Variants in GBF1 observed in about 807,000 individuals in gnomAD.
GBF1 encodes the protein golgi brefeldin A resistant guanine nucleotide exchange factor 1.
Under a neutral mutation model 210.5 loss-of-function variants are expected in GBF1, and 114 were observed. The observed-to-expected ratio is 0.54, with a 90% CI of 0.47 to 0.63. The LOEUF is 0.63. Among genes scored for constraint, GBF1 ranks in the 30% least tolerant of loss-of-function variants. The probability of loss-of-function intolerance (pLI) is 0.00; values close to 1 mark genes in which losing one functional copy is unlikely to be tolerated. For synonymous variants in GBF1, 850 were observed against 889.2 expected, an observed-to-expected ratio of 0.96 and a Z score of 0.78; for missense variants, 1,851 against 2,357.7, an observed-to-expected ratio of 0.79 and a Z score of 4.45.
intron 15 of GBF1, 34 bp downstream of exon 15, chr10:102,362,698 G>A (rs961807974): frequency 7.9e-6 from 12 of 1,526,660 alleles, no homozygotes; most frequent in Non-Finnish European, 1.0e-5. Context: ...TGAACCCAGT[G>A]TTCTATGCTT....
At chr10:102,276,877 T>C (rs1240692090) in intron 3 of GBF1, among the ~76,000 whole-genome samples, 1 of 152,146 alleles carries the variant, frequency 6.6e-6, no homozygotes, top group Non-Finnish European at 1.5e-5. Flanking sequence ...AATGAACAGA[T>C]GGTGAATTTT....
At chr10:102,306,723 C>T (rs528052913) in intron 3 of GBF1, among the ~76,000 whole-genome samples, 144 of 152,306 alleles carry the variant, frequency 9.5e-4, no homozygotes, top group African/African-American at 3.3e-3. Flanking sequence ...CGCACCCAGC[C>T]GGGGCTGTCT....
chr10:102,248,424 C>T (rs954173382), intron 1 of GBF1, among the ~76,000 whole-genome samples: 14 of 151,802 alleles, frequency 9.2e-5, no homozygotes, highest in Non-Finnish European at 1.8e-4. Flanking sequence ...GTGGAAATTA[C>T]GATAGATGCA....
At chr10:102,300,893 TG>T (rs1249403995) in intron 3 of GBF1, among the ~76,000 whole-genome samples, 44 of 152,298 alleles carry the variant, frequency 2.9e-4, no homozygotes, top group Admixed American at 1.3e-4. Context: ...TTTGGTTTTG[TG>T]TTTTAGTTCT....
At chr10:102,273,627 C>T (rs2074646451) in intron 3 of GBF1, among the ~76,000 whole-genome samples, 1 of 152,158 alleles carries the variant, frequency 6.6e-6, no homozygotes, top group Admixed American at 6.6e-5. Context: ...TCACCATTTT[C>T]TTGACATTCT....
chr10:102,364,582 C>T (rs2059806342), intron 17 of GBF1, among the ~76,000 whole-genome samples: 1 of 151,308 alleles, frequency 6.6e-6, no homozygotes, highest in Admixed American at 6.6e-5. Flanking sequence ...GGCGCAGTGG[C>T]TCACGCCTGT....
intron 1 of GBF1, among the ~76,000 whole-genome samples, chr10:102,255,944 C>A (rs1259800224): frequency 6.6e-6 from 1 of 152,102 alleles, no homozygotes. Flanking sequence ...TGGGCATGGA[C>A]ACATTATTAT....
chr10:102,363,223 T>C lies in GBF1; in HGVS notation c.1877-33T>C. ...CAGCTCTGCTTGGCTTCATACCCTA[T>C]AAGTCTTCACGTATCTTCTTCTCTC... On this transcript the variant is annotated intron_variant, in intron 15 of 39. Coordinates refer to ENST00000369983, the MANE Select transcript of GBF1 (RefSeq NM_001377137.1). The surrounding 1 kb of genome is among the most constrained non-coding windows in gnomAD (Gnocchi z 4.2). 2 of 1,589,580 alleles carry C rather than the reference T, an allele frequency of 1.3e-6. No homozygotes were observed. The highest frequency in any genetic ancestry group is 1.1e-5 in the South Asian group (1 of 87,988).
intron 20 of GBF1, 126 bp downstream of exon 20, chr10:102,367,336 C>A: frequency 1.6e-6 from 2 of 1,225,788 alleles, no homozygotes; most frequent in East Asian, 2.3e-5. Flanking sequence ...AAGGGCTGGC[C>A]AACCTAGAAA....
In GBF1 at chr10:102,351,949, G is replaced by A; in HGVS notation, c.521G>A (p.Ser174Asn). 1 of 1,534,842 alleles carries A rather than the reference G, an allele frequency of 6.5e-7. No individual in the cohort carries two copies. The highest frequency in any genetic ancestry group is 9.0e-7 in the Non-Finnish European group (1 of 1,107,590). ...CGGATCTGCTTTGAAATGAGGCTCAGTGGTAGGTGCTTGGATATTAGCCCC... is the reference window on the plus strand; with the variant it reads ...CGGATCTGCTTTGAAATGAGGCTCAATGGTAGGTGCTTGGATATTAGCCCC... Reference protein sequence around the residue: ...CFRICFEMRLSELLRKSAEHT... With the variant: ...CFRICFEMRLNELLRKSAEHT... The change falls in exon 6 of 40, where the codon AGT becomes AAT. Residue 174 changes from serine to asparagine, a missense_variant and splice_region_variant. Physicochemically the swap from Ser to Asn is conservative, Grantham distance 46. Around this residue, in one of 3 missense-constraint regions of GBF1, gnomAD observed 804 missense variants for 958.6 expected, o/e 0.84. Coordinates refer to ENST00000369983, the MANE Select transcript of GBF1 (RefSeq NM_001377137.1).
chr10:102,303,241 G>A (rs2133864643), intron 3 of GBF1, among the ~76,000 whole-genome samples: 1 of 152,238 alleles, frequency 6.6e-6, no homozygotes, highest in Non-Finnish European at 1.5e-5. Flanking sequence ...ACCCACCTCG[G>A]CCTCCCAAAG....
chr10:102,304,346 G>A (rs999001894), intron 3 of GBF1, among the ~76,000 whole-genome samples: 6 of 152,140 alleles, frequency 3.9e-5, no homozygotes, highest in Non-Finnish European at 5.9e-5. Context: ...TTCGAATGCC[G>A]TATGTGGTTC....
At position 102,379,594 on chromosome 10, in the gene GBF1, A is replaced by G; in HGVS notation, c.4719A>G (p.Leu1573=). 6.2e-7 allele frequency: 1 copy of G among 1,614,032 alleles called. No individual in the cohort carries two copies. Among genetic ancestry groups the G allele is most frequent in the Non-Finnish European group, 8.5e-7 (1 of 1,179,962 alleles). ...CACTGACCTATCTGCAGCGAGCACT[A>G]CTTGTACATGATCTGCAAAAGCTAG... The part of the protein sequence containing the change: ...MQALTYLQRA[L]LVHDLQKLDA... Residue 1573 remains leucine, a synonymous_variant, in exon 35 of 40, where the codon CTA becomes CTG. Transcript: ENST00000369983.
chr10:102,321,733 C>G (rs2056418580), intron 3 of GBF1, among the ~76,000 whole-genome samples: 1 of 151,972 alleles, frequency 6.6e-6, no homozygotes, highest in Non-Finnish European at 1.5e-5. Flanking sequence ...CCACACCTGG[C>G]TAATTTTTTG....
chr10:102,368,946 C>T (rs977113156), intron 23 of GBF1, 114 bp downstream of exon 23: 5 of 723,486 alleles, frequency 6.9e-6, no homozygotes, highest in South Asian at 1.7e-5. Context: ...CCTCACTGCC[C>T]CCACTTGAAT....
At position 102,358,492 on chromosome 10, in the gene GBF1, A is replaced by G; in HGVS notation, c.788-14A>G. ...CTTTCTTCTCCTTCAAGCGTCACAT[A>G]CTTTTCTTGGCAGGTGGCATGCCCT... On this transcript the variant is annotated splice_polypyrimidine_tract_variant and intron_variant, in intron 9 of 39. Coordinates refer to ENST00000369983, the MANE Select transcript of GBF1 (RefSeq NM_001377137.1). 6.3e-7 allele frequency: 1 copy of G among 1,586,384 alleles called. No individual in the cohort carries two copies. Among genetic ancestry groups the G allele is most frequent in the East Asian group, 2.2e-5 (1 of 44,760 alleles).
Position 102,361,089 on chromosome 10 carries a change from G to A in GBF1, c.1460G>A (p.Ser487Asn), listed in dbSNP as rs201781801. The A allele has an allele frequency of 4.1e-5, 65 of 1,600,900 alleles. No individual in the cohort carries two copies. Among genetic ancestry groups the A allele is most frequent in the Non-Finnish European group, 9.4e-6 (11 of 1,168,074 alleles). ...SLRVCFLLFE[S>N]MREHLKFQME... ...CGAGTATGCTTCCTACTGTTTGAGA[G>A]CATGCGAGAGCACCTCAAGTTCCAA... The change falls in exon 13 of 40, where the codon AGC (serine) becomes AAC (asparagine). Residue 487 changes from serine (S) to asparagine (N), a missense_variant. This residue lies in a region of GBF1 where 804 missense variants were observed against 958.6 expected (regional missense o/e 0.84). Coordinates refer to ENST00000369983, the MANE Select transcript of GBF1 (RefSeq NM_001377137.1).
chr10:102,370,455 G>A lies in GBF1; in HGVS notation c.3483G>A (p.Leu1161=), dbSNP rs1403569605. Residue 1161 remains leucine, a synonymous_variant, in exon 28 of 40, where the codon CTG becomes CTA. Coordinates refer to ENST00000369983, the MANE Select transcript of GBF1 (RefSeq NM_001377137.1). ...ATGCTGCTTTCTGCCTAGAGATGCT[G>A]CTAAGGATTGTGTTGGAGAACAGGT... ...EEDAAFCLEM[L]LRIVLENRDR... 6.2e-7 allele frequency: 1 copy of A among 1,612,516 alleles called. No homozygotes were observed. The highest frequency in any genetic ancestry group is 1.7e-4 in the Middle Eastern group (1 of 6,060).
At chr10:102,274,048 A>G (rs1176269824) in intron 3 of GBF1, among the ~76,000 whole-genome samples, 1 of 152,196 alleles carries the variant, frequency 6.6e-6, no homozygotes, top group African/African-American at 2.4e-5. Context: ...TGGAAGTTCA[A>G]CAAATATTTG....
Sources: allele counts gnomAD v4.1 joint callset (sites outside exome capture counted in the v4.1 genomes callset), GRCh38; gene constraint gnomAD v4.1.1; regional missense constraint gnomAD v4.1.1; non-coding constraint Gnocchi (gnomAD v3.1); transcripts MANE v1.5; gene names NCBI Gene and HGNC (gene_info 2026-07-23, HGNC 2026-07-21).